The following SDK1 variants were observed in gnomAD, a reference collection of about 807,000 sequenced individuals.
The protein encoded by SDK1 is sidekick cell adhesion molecule 1, also known as protein sidekick-1.
Under a neutral mutation model 245.5 loss-of-function variants are expected in SDK1, and 157 were observed. The observed-to-expected ratio is 0.64, with a 90% confidence interval of 0.56 to 0.73. The LOEUF is 0.73. Ranked by LOEUF, SDK1 falls within the 30% of genes least tolerant of loss-of-function variation. The pLI is 0.00. For missense variants in SDK1, 3,583 were observed against 3,002.3 expected, an observed-to-expected ratio of 1.19 and a Z score of -4.52; for synonymous variants, 1,647 against 1,278.5, an observed-to-expected ratio of 1.29 and a Z score of -6.15.
At chr7:3,421,446 A>T (rs1360479467) in intron 1 of SDK1, among the ~76,000 whole-genome samples, 1 of 152,182 alleles carries the variant, frequency 6.6e-6, no homozygotes, top group African/African-American at 2.4e-5. Flanking sequence ...ATTCATAATT[A>T]CCAAAGCCTT....
chr7:4,241,997 C>G lies in SDK1; in HGVS notation c.6251+84C>G, dbSNP rs1264351348. 3 of 1,503,144 alleles carry G rather than the reference C, an allele frequency of 2.0e-6. No individual in the cohort carries two copies. In the Admixed American group the frequency reaches 5.5e-5, roughly 27 times the overall value. The allele number at this position is 1,503,144 out of a possible 1,614,324, so 93.1% of individuals were successfully genotyped here. ...GGCAGCCCACGCCCACTGGCACCTC[C>G]TGCATCCCGCCCTGTGGTTCCAGGA... On this transcript the variant is annotated intron_variant, in intron 43 of 44. Coordinates refer to ENST00000404826, the MANE Select transcript of SDK1 (RefSeq NM_152744.4).
chr7:3,541,363 G>C (rs1046887659), intron 1 of SDK1, among the ~76,000 whole-genome samples: 1 of 152,194 alleles, frequency 6.6e-6, no homozygotes, highest in Non-Finnish European at 1.5e-5. Flanking sequence ...ACATGCAGAG[G>C]AGGGCGTAAT....
intron 1 of SDK1, among the ~76,000 whole-genome samples, chr7:3,453,182 C>G (rs1342431789): frequency 2.0e-5 from 3 of 152,112 alleles, no homozygotes; most frequent in African/African-American, 7.2e-5. Flanking sequence ...AGCCTCTGAA[C>G]TGGTATCTGA....
At chr7:3,839,590 G>T (rs1390773553) in intron 5 of SDK1, among the ~76,000 whole-genome samples, 4 of 151,962 alleles carry the variant, frequency 2.6e-5, no homozygotes, top group Non-Finnish European at 5.9e-5. Context: ...CAAAAAAATA[G>T]AAATAAAATT....
chr7:3,333,884 T>G (rs1780132440), intron 1 of SDK1, among the ~76,000 whole-genome samples: 1 of 152,226 alleles, frequency 6.6e-6, no homozygotes, highest in Non-Finnish European at 1.5e-5. Context: ...CCTGTGGAAC[T>G]GGACTGCCAG....
intron 4 of SDK1, among the ~76,000 whole-genome samples, chr7:3,738,005 C>G (rs1001857008): frequency 6.6e-6 from 1 of 152,192 alleles, no homozygotes; most frequent in Non-Finnish European, 1.5e-5. Context: ...GGTGTTTTGT[C>G]TATAGATAGT....
At chr7:3,379,601 C>G (rs1781435879) in intron 1 of SDK1, among the ~76,000 whole-genome samples, 1 of 152,096 alleles carries the variant, frequency 6.6e-6, no homozygotes, top group South Asian at 2.1e-4. Flanking sequence ...TATTTTTCTT[C>G]TGTTTAATGG....
chr7:3,438,228 ATAT>A (rs1780086786), intron 1 of SDK1, among the ~76,000 whole-genome samples: 1 of 152,178 alleles, frequency 6.6e-6, no homozygotes, highest in South Asian at 2.1e-4. Context: ...GCTAAGACCT[ATAT>A]TATTTTATAT....
intron 5 of SDK1, among the ~76,000 whole-genome samples, chr7:3,890,651 A>T (rs1317391634): frequency 6.6e-6 from 1 of 152,120 alleles, no homozygotes; most frequent in Non-Finnish European, 1.5e-5. Context: ...GGTTAAAAAA[A>T]AAAAAAAGTA....
intron 43 of SDK1, 123 bp from the exon 44 acceptor site, chr7:4,245,553 A>T: frequency 1.8e-6 from 2 of 1,138,444 alleles, no homozygotes; most frequent in East Asian, 2.5e-5. Context: ...TGCCAAAGTG[A>T]TGTCAAAGGC....
chr7:3,641,733 T>C (rs575226027), intron 3 of SDK1, among the ~76,000 whole-genome samples: 107 of 152,338 alleles, frequency 7.0e-4, no homozygotes, highest in African/African-American at 2.5e-3. Context: ...GTGGCTTTGC[T>C]GAGGAATGTG....
chr7:3,788,506 G>A (rs1219804498), intron 4 of SDK1, among the ~76,000 whole-genome samples: 2 of 152,138 alleles, frequency 1.3e-5, no homozygotes, highest in African/African-American at 4.8e-5. Flanking sequence ...GAAATCACAT[G>A]TCCTATTAGA....
At chr7:4,036,043 A>T (rs183191229) in intron 17 of SDK1, among the ~76,000 whole-genome samples, 106 of 152,338 alleles carry the variant, frequency 7.0e-4, no homozygotes, top group African/African-American at 2.5e-3. Flanking sequence ...ATCGGTGAAC[A>T]TAACATTTTC....
chr7:4,073,667 C>G (rs1427895280), intron 20 of SDK1, among the ~76,000 whole-genome samples: 2 of 152,202 alleles, frequency 1.3e-5, no homozygotes, highest in Non-Finnish European at 2.9e-5. Context: ...AGCGATTGAC[C>G]AGGTGTGACC....
rs144313094 is a variant in SDK1, at chr7:3,854,240, C to A, written c.847+32657C>A. On this transcript the variant is annotated intron_variant, in intron 5 of 44. Transcript: ENST00000404826. Reference sequence around the variant, plus strand: ...GTTTTGAAATCATCTGACTTCAGTTCATATCTCAACTCTGTTCCTTCCTAG... The same window carrying A: ...GTTTTGAAATCATCTGACTTCAGTTAATATCTCAACTCTGTTCCTTCCTAG... Among the ~76,000 whole-genome samples, 56 of 152,250 alleles carry A rather than the reference C, an allele frequency of 3.7e-4. 1 individual carries two copies. In the East Asian group the frequency reaches 0.01, roughly 28 times the overall value.
chr7:3,710,882 C>T (rs987026632), intron 4 of SDK1, among the ~76,000 whole-genome samples: 3 of 152,152 alleles, frequency 2.0e-5, no homozygotes, highest in Non-Finnish European at 2.9e-5. Flanking sequence ...TTAACAAATA[C>T]CTGGTTGATA....
At chr7:3,697,939 C>A (rs1288026661) in intron 4 of SDK1, among the ~76,000 whole-genome samples, 1 of 152,100 alleles carries the variant, frequency 6.6e-6, no homozygotes, top group Non-Finnish European at 1.5e-5. Flanking sequence ...TAGGAAGATA[C>A]TGAACAGTGG....
intron 27 of SDK1, among the ~76,000 whole-genome samples, 154 bp from the exon 28 acceptor site, chr7:4,132,170 AG>A (rs1275325094): frequency 1.4e-4 from 21 of 152,274 alleles, no homozygotes; most frequent in Admixed American, 1.4e-3. Context: ...ACATTCCAAA[AG>A]TCATCAGTCC....
intron 19 of SDK1, among the ~76,000 whole-genome samples, chr7:4,062,319 C>T (rs1024063286): frequency 1.3e-5 from 2 of 152,030 alleles, no homozygotes; most frequent in African/African-American, 4.8e-5. Context: ...TCATTTGAGA[C>T]TCTTACTAAC....
Sources: gnomAD v4.1 joint callset for allele counts (sites outside exome capture counted in the v4.1 genomes callset) on GRCh38, gnomAD v4.1.1 for gene constraint, MANE v1.5 for transcripts, NCBI Gene and HGNC (gene_info 2026-07-23, HGNC 2026-07-21) for gene names.